Variants in LRBA observed in about 807,000 individuals in gnomAD.
LRBA encodes the protein LPS responsive beige-like anchor protein.
LRBA carries 176 observed loss-of-function variants against 330.0 expected under a neutral mutation model. The observed-to-expected ratio is 0.53, with a 90% CI of 0.47 to 0.60. The LOEUF (loss-of-function observed/expected upper bound fraction) is 0.60. Among genes scored for constraint, LRBA ranks in the 20% least tolerant of loss-of-function variants. LRBA has a pLI of 0.00. For missense variants in LRBA, 3,259 were observed against 3,444.8 expected, an observed-to-expected ratio of 0.95 and a Z score of 1.35; for synonymous variants, 1,230 against 1,193.0, an observed-to-expected ratio of 1.03 and a Z score of -0.64.
intron 2 of LRBA, among the ~76,000 whole-genome samples, chr4:151,004,801 C>A (rs1406978730): frequency 6.6e-6 from 1 of 151,790 alleles, no homozygotes; most frequent in Non-Finnish European, 1.5e-5. Flanking sequence ...GCCTGGGCAA[C>A]ACAGTGAAAC....
chr4:150,912,581 C>A (rs1045112734), intron 9 of LRBA, among the ~76,000 whole-genome samples: 2 of 152,102 alleles, frequency 1.3e-5, no homozygotes, highest in African/African-American at 4.8e-5. Flanking sequence ...ATGTAATGCA[C>A]TTGAATCATC....
chr4:150,873,880 T>C (rs1475113581), intron 17 of LRBA, among the ~76,000 whole-genome samples: 1 of 152,192 alleles, frequency 6.6e-6, no homozygotes, highest in East Asian at 1.9e-4. Context: ...AAAAAGAAGT[T>C]TGATTCCTTT....
At chr4:150,471,330 A>G (rs1756106393) in intron 43 of LRBA, among the ~76,000 whole-genome samples, 1 of 151,998 alleles carries the variant, frequency 6.6e-6, no homozygotes, top group African/African-American at 2.4e-5. Context: ...ACTCCCACCA[A>G]CTGGGTGAAT....
At chr4:150,773,673 C>A (rs1481904462) in intron 34 of LRBA, among the ~76,000 whole-genome samples, 1 of 152,220 alleles carries the variant, frequency 6.6e-6, no homozygotes, top group Non-Finnish European at 1.5e-5. Context: ...GTGGCTTCCA[C>A]CTGGGGCCTT....
At chr4:150,966,683 A>G (rs1414789603) in intron 2 of LRBA, among the ~76,000 whole-genome samples, 1 of 152,156 alleles carries the variant, frequency 6.6e-6, no homozygotes, top group Non-Finnish European at 1.5e-5. Flanking sequence ...TGCTTTCTAG[A>G]TAATTTTTTG....
intron 47 of LRBA, among the ~76,000 whole-genome samples, chr4:150,376,460 A>G (rs1384312561): frequency 6.6e-6 from 1 of 152,256 alleles, no homozygotes; most frequent in African/African-American, 2.4e-5. Flanking sequence ...ATAGTAAAAG[A>G]GTTCAAGTAT....
At chr4:150,445,358 T>TCC (rs1752453549) in intron 44 of LRBA, among the ~76,000 whole-genome samples, 1 of 74,588 alleles carries the variant, frequency 1.3e-5, no homozygotes, top group Non-Finnish European at 2.7e-5. Flanking sequence ...TCTCTCTCTC[T>TCC]CTCTCTCTCT....
intron 2 of LRBA, among the ~76,000 whole-genome samples, chr4:150,972,068 G>A (rs772168650): frequency 6.6e-6 from 1 of 152,050 alleles, no homozygotes; most frequent in Non-Finnish European, 1.5e-5. Context: ...AAAAATCAAT[G>A]CTACAAAAAT....
rs541090021 is a variant in LRBA, at chr4:150,575,858, C to T, written c.6330+12190G>A. ...TATTATCTTCATAAACAAAAGATATCACACCTTGAAACCATAAGGTCAGCT... is the reference window on the plus strand; with the variant it reads ...TATTATCTTCATAAACAAAAGATATTACACCTTGAAACCATAAGGTCAGCT... On this transcript the variant is annotated intron_variant, in intron 40 of 56. Transcript: ENST00000651943. Among the ~76,000 whole-genome samples, 5 of 151,920 alleles carry T rather than the reference C, an allele frequency of 3.3e-5. No homozygotes were observed. In the South Asian group the frequency reaches 1.0e-3, roughly 31 times the overall value.
intron 40 of LRBA, among the ~76,000 whole-genome samples, chr4:150,552,388 A>C (rs950054545): frequency 1.3e-5 from 2 of 152,158 alleles, no homozygotes; most frequent in African/African-American, 2.4e-5. Flanking sequence ...CAAAAGACAC[A>C]TGAAAAAATG....
At chr4:150,977,780 G>A (rs1462042329) in intron 2 of LRBA, among the ~76,000 whole-genome samples, 4 of 152,248 alleles carry the variant, frequency 2.6e-5, no homozygotes, top group African/African-American at 7.2e-5. Flanking sequence ...CCATGGGTCT[G>A]TGGTGGTGGT....
In LRBA at chr4:150,802,004, T is replaced by TATAAATAA. The variant is rs10582625; in HGVS notation, c.5519-3870_5519-3863dup. Reference sequence around the variant, plus strand: ...TGGGCAACGCAGCAAAACCCATCTCTATAAATAAATAAATAAATAAATAAA... The same window carrying TATAAATAA: ...TGGGCAACGCAGCAAAACCCATCTCTATAAATAAATAAATAAATAAATAAATAAATAAA... On this transcript the variant is annotated intron_variant, in intron 33 of 56. Coordinates refer to ENST00000651943, the MANE Select transcript of LRBA (RefSeq NM_001364905.1). Among the ~76,000 whole-genome samples the TATAAATAA allele has an allele frequency of 3.1e-3, 406 of 132,054 alleles. 2 individuals carry two copies. Among genetic ancestry groups the TATAAATAA allele is most frequent in the African/African-American group, 6.7e-3 (235 of 35,062 alleles). 86.6% of individuals were successfully genotyped at this position (132,054 alleles called of 152,430 possible). A position where few individuals can be genotyped will look rare whatever the true frequency, so the allele number is the denominator to read the frequency against.
rs1446341171 is a variant in LRBA, at chr4:150,290,785, TCTG to T, written c.8018-4754_8018-4752del. ...AAATGAGATTAAAGACAGCCCAAAT[TCTG>T]CTGCAAATACCAGGGCACATCAGGT... On this transcript the variant is annotated intron_variant, in intron 53 of 56. Transcript: ENST00000651943. Among the ~76,000 whole-genome samples, 7 of 152,182 alleles carry T rather than the reference TCTG, an allele frequency of 4.6e-5. No individual in the cohort carries two copies. In the East Asian group the frequency reaches 1.4e-3, roughly 29 times the overall value.
intron 16 of LRBA, among the ~76,000 whole-genome samples, chr4:150,893,659 T>C (rs986432705): frequency 3.3e-5 from 5 of 151,864 alleles, no homozygotes; most frequent in African/African-American, 1.2e-4. Flanking sequence ...TCAAAACAAT[T>C]TCTTTGTTTT....
At position 150,518,273 on chromosome 4, in the gene LRBA, G is replaced by T. The variant is rs1762572074; in HGVS notation, c.6331-27238C>A. ...AACAGCAGGTAGTGTAGACAGTGTG[G>T]ATATGCTAGACAAAGGAAAGATCCA... is the stretch of plus-strand genomic sequence containing the variant. On this transcript the variant is annotated intron_variant, in intron 40 of 56. Coordinates refer to ENST00000651943, the MANE Select transcript of LRBA (RefSeq NM_001364905.1). Among the ~76,000 whole-genome samples the T allele has an allele frequency of 2.0e-5, 3 of 152,204 alleles. No individual in the cohort carries two copies. The South Asian group carries it at 6.2e-4, about 31-fold the overall frequency.
intron 40 of LRBA, among the ~76,000 whole-genome samples, chr4:150,500,262 G>T (rs1452951667): frequency 1.3e-5 from 2 of 150,322 alleles, no homozygotes; most frequent in East Asian, 2.0e-4. Flanking sequence ...ATGACCAAAG[G>T]TAAAGTTAAA....
intron 35 of LRBA, among the ~76,000 whole-genome samples, chr4:150,736,237 T>C (rs970693827): frequency 6.6e-6 from 1 of 152,148 alleles, no homozygotes; most frequent in Non-Finnish European, 1.5e-5. Context: ...AGGAAGATAA[T>C]ATCATAGAGA....
At chr4:150,452,019 T>C (rs1280307965) in intron 44 of LRBA, among the ~76,000 whole-genome samples, 16 of 152,168 alleles carry the variant, frequency 1.1e-4, no homozygotes, top group Non-Finnish European at 2.1e-4. Flanking sequence ...AAATAATAAT[T>C]GTATATCATC....
At chr4:150,292,446 G>C (rs1238975676) in intron 53 of LRBA, among the ~76,000 whole-genome samples, 1 of 152,196 alleles carries the variant, frequency 6.6e-6, no homozygotes, top group Non-Finnish European at 1.5e-5. Flanking sequence ...TATTAGCAGA[G>C]TGAATCCTCT....
Sources: gnomAD v4.1 joint callset for allele counts (sites outside exome capture counted in the v4.1 genomes callset) on GRCh38, gnomAD v4.1.1 for gene constraint, MANE v1.5 for transcripts, NCBI Gene and HGNC (gene_info 2026-07-23, HGNC 2026-07-21) for gene names.